The following BFSP2 variants were observed in gnomAD, a reference collection of about 807,000 sequenced individuals.
BFSP2 encodes phakinin.
In BFSP2, 38 loss-of-function variants were observed where a neutral mutation model predicts 44.9. The observed-to-expected ratio is 0.85, with a 90% CI of 0.65 to 1.11. The LOEUF is 1.11. Among genes scored for constraint, BFSP2 ranks in the 50% least tolerant of loss-of-function variants. The pLI is 0.00. For synonymous variants in BFSP2, 197 were observed against 209.9 expected, an observed-to-expected ratio of 0.94 and a Z score of 0.53; for missense variants, 525 against 533.0, an observed-to-expected ratio of 0.99 and a Z score of 0.15.
intron 5 of BFSP2, among the ~76,000 whole-genome samples, chr3:133,471,890 G>T (rs531197341): frequency 6.6e-6 from 1 of 152,290 alleles, no homozygotes; most frequent in Admixed American, 6.5e-5. Context: ...GCCAAATGAT[G>T]GATGGGGTTT....
chr3:133,466,905 C>T lies in BFSP2; in HGVS notation c.969C>T (p.Asn323=), dbSNP rs996367354. 3 of 1,614,076 alleles carry T rather than the reference C, an allele frequency of 1.9e-6. No individual in the cohort carries two copies. The highest frequency in any genetic ancestry group is 8.5e-7 in the Non-Finnish European group (1 of 1,180,002). Residue 323 remains asparagine, a synonymous_variant, in exon 5 of 7, where the codon AAC becomes AAT. Coordinates refer to ENST00000302334, the MANE Select transcript of BFSP2 (RefSeq NM_003571.4). Reference sequence around the variant, plus strand: ...CTGCCCTCAGGGTGGAGTTACACAACACTTCGTGCCAAGTCCAGAGCCTCC... The same window carrying T: ...CTGCCCTCAGGGTGGAGTTACACAATACTTCGTGCCAAGTCCAGAGCCTCC... ...LAAALRVELH[N]TSCQVQSLQA... is the part of the protein sequence containing the mutation.
chr3:133,441,099 G>T (rs2073841087), intron 1 of BFSP2, among the ~76,000 whole-genome samples: 1 of 149,068 alleles, frequency 6.7e-6, no homozygotes, highest in African/African-American at 2.5e-5. Flanking sequence ...GAGTGCAATG[G>T]CGCCATCTCG....
intron 1 of BFSP2, among the ~76,000 whole-genome samples, chr3:133,414,341 C>T (rs1481950637): frequency 1.3e-5 from 1 of 74,574 alleles, no homozygotes; most frequent in Non-Finnish European, 2.6e-5. Context: ...CTCTCCCCTC[C>T]ACAAACCCCT....
At chr3:133,403,697 A>G (rs1400738829) in intron 1 of BFSP2, among the ~76,000 whole-genome samples, 1 of 152,182 alleles carries the variant, frequency 6.6e-6, no homozygotes, top group Non-Finnish European at 1.5e-5. Context: ...GAGGGGGAGA[A>G]GAGTTGGAAA....
chr3:133,410,130 A>C (rs1030787455), intron 1 of BFSP2: 2 of 168,606 alleles, frequency 1.2e-5, no homozygotes, highest in African/African-American at 4.8e-5. Context: ...CTTGGAAACT[A>C]TGGTGAAATG....
chr3:133,474,963 T>C lies in BFSP2; in HGVS notation c.1245-6T>C, dbSNP rs769815007. ...TTGCTTCTGACTCCTATGTGTTTCC[T>C]TTCAGCTGATGGAGAAACTTCCTCT... On this transcript the variant is annotated splice_polypyrimidine_tract_variant and splice_region_variant and intron_variant, in intron 6 of 6. Transcript: ENST00000302334. 5.6e-6 allele frequency: 9 copies of C among 1,614,224 alleles called. No individual in the cohort carries two copies. The East Asian group carries it at 8.9e-5, about 16-fold the overall frequency.
intron 1 of BFSP2, among the ~76,000 whole-genome samples, chr3:133,441,958 G>A (rs946745121): frequency 6.6e-6 from 1 of 152,154 alleles, no homozygotes; most frequent in Non-Finnish European, 1.5e-5. Context: ...GTCGGCAAGT[G>A]CTAGGGCCTT....
At chr3:133,432,124 G>A (rs146639998) in intron 1 of BFSP2, among the ~76,000 whole-genome samples, 4,337 of 152,114 alleles carry the variant, frequency 0.029, 115 homozygotes, top group South Asian at 0.099. Context: ...CCCACAGCAC[G>A]CTTTAAAGGG....
intron 1 of BFSP2, among the ~76,000 whole-genome samples, chr3:133,441,196 G>A (rs895255240): frequency 5.9e-5 from 9 of 151,852 alleles, no homozygotes; most frequent in African/African-American, 1.4e-4. Context: ...CACCCACGCC[G>A]GGCTAATTTT....
intron 1 of BFSP2, among the ~76,000 whole-genome samples, chr3:133,435,410 C>A (rs56162771): frequency 0.17 from 25,223 of 152,178 alleles, 2,938 homozygotes; most frequent in African/African-American, 0.33. Flanking sequence ...CGGACCCCTT[C>A]CATCATTTGC....
chr3:133,400,650 AG>A lies in BFSP2; in HGVS notation c.489+80del, dbSNP rs1416474499. The stretch of plus-strand genomic sequence containing the variant: ...GAAGGCAGCGGGTAGGGTTGTGAGT[AG>A]GCTGAGGCCAGAGAAACTGACCATA... On this transcript the variant is annotated intron_variant, in intron 1 of 6. Transcript: ENST00000302334. This position sits in a 1 kb window ranked among gnomAD's most constrained non-coding sequence, Gnocchi z 4.0. 83 of 1,543,126 alleles carry A rather than the reference AG, an allele frequency of 5.4e-5. No individual in the cohort carries two copies. The Admixed American group carries it at 9.4e-4, about 18-fold the overall frequency.
At chr3:133,469,225 C>G (rs543284715) in intron 5 of BFSP2, among the ~76,000 whole-genome samples, 5 of 152,216 alleles carry the variant, frequency 3.3e-5, no homozygotes, top group Non-Finnish European at 7.3e-5. Flanking sequence ...GTCACGGGGC[C>G]TTGCAGCCAA....
At chr3:133,440,197 C>G (rs113304535) in intron 1 of BFSP2, among the ~76,000 whole-genome samples, 3,910 of 139,706 alleles carry the variant, frequency 0.028, 61 homozygotes, top group Middle Eastern at 0.052. Context: ...ATCTTACTAT[C>G]ATGAGAATAG....
intron 5 of BFSP2, among the ~76,000 whole-genome samples, chr3:133,471,353 C>T (rs868835869): frequency 6.6e-6 from 1 of 152,174 alleles, no homozygotes; most frequent in South Asian, 2.1e-4. Context: ...AAGCAGGACT[C>T]ATAATATACA....
chr3:133,474,485 C>G (rs1369399229), intron 6 of BFSP2, among the ~76,000 whole-genome samples: 2 of 152,350 alleles, frequency 1.3e-5, no homozygotes, highest in Admixed American at 6.5e-5. Flanking sequence ...ATATGTCATC[C>G]AGCTCCTCTC....
At chr3:133,425,900 A>G (rs557899013) in intron 1 of BFSP2, among the ~76,000 whole-genome samples, 50 of 81,222 alleles carry the variant, frequency 6.2e-4, no homozygotes, top group African/African-American at 1.3e-3. Flanking sequence ...GGCAAGGGAA[A>G]TAAGAGAAAG....
intron 4 of BFSP2, chr3:133,455,513 A>C (rs979102250): frequency 2.0e-5 from 3 of 152,220 alleles, no homozygotes; most frequent in Admixed American, 1.3e-4. Flanking sequence ...TAATCTGATT[A>C]AGTCAGGCCC....
At chr3:133,425,780 AAAGGG>A (rs71136468) in intron 1 of BFSP2, among the ~76,000 whole-genome samples, 68,559 of 104,956 alleles carry the variant, frequency 0.65, 21,735 homozygotes, top group East Asian at 0.77. Context: ...AGGGAAAGGG[AAAGGG>A]AAGGGAAGGG....
rs750705714 is a variant in BFSP2, at chr3:133,434,690, C to T, written c.490-12627C>T. Among the ~76,000 whole-genome samples, 51 of 152,210 alleles carry T rather than the reference C, an allele frequency of 3.4e-4. 1 individual carries two copies. Among genetic ancestry groups the T allele is most frequent in the African/African-American group, 4.8e-4 (20 of 41,524 alleles). ...CCACCACAAAACAAGTGTAAATGGC[C>T]GGTCCTTGCCTTAAGTGATGACATT... On this transcript the variant is annotated intron_variant, in intron 1 of 6. Transcript: ENST00000302334.
Sources: gnomAD v4.1 joint callset for allele counts (sites outside exome capture counted in the v4.1 genomes callset) on GRCh38, gnomAD v4.1.1 for gene constraint, Gnocchi (gnomAD v3.1) non-coding constraint, MANE v1.5 for transcripts, NCBI Gene and HGNC (gene_info 2026-07-23, HGNC 2026-07-21) for gene names.